Variants in RBPJ observed in about 807,000 individuals in gnomAD.
RBPJ encodes the protein recombining binding protein suppressor of hairless.
A neutral mutation model predicts 67.8 loss-of-function variants in RBPJ; 9 were observed. That is an observed-to-expected ratio of 0.13 (90% CI 0.08 to 0.23). RBPJ has a LOEUF of 0.23. Among genes scored for constraint, RBPJ ranks in the 10% least tolerant of loss-of-function variants. RBPJ has a pLI of 1.00. For missense variants in RBPJ, 305 were observed against 595.6 expected (o/e 0.51, Z 5.08); for synonymous variants, 198 against 203.3 (o/e 0.97, Z 0.22).
upstream of RBPJ, chr4:26,319,971 A>G (rs1722848228): frequency 8.0e-7 from 1 of 1,256,946 alleles, no homozygotes; most frequent in Admixed American, 2.3e-5. Flanking sequence ...GGCTTCCGGG[A>G]TCAGGCCGCC....
intron 1 of RBPJ, among the ~76,000 whole-genome samples, chr4:26,197,251 G>A (rs955947019): frequency 6.6e-6 from 1 of 152,088 alleles, no homozygotes; most frequent in Non-Finnish European, 1.5e-5. Context: ...CAGCACTTGG[G>A]GAAACAGCAT....
Position 26,408,930 on chromosome 4 carries a change from A to G in RBPJ, c.155+2660A>G, listed in dbSNP as rs149507441. 2.8e-3 allele frequency among the ~76,000 whole-genome samples: 420 copies of G among 152,372 alleles called. 5 individuals carry two copies. Among genetic ancestry groups the G allele is most frequent in the African/African-American group, 9.7e-3 (404 of 41,592 alleles). On this transcript the variant is annotated intron_variant, in intron 3 of 10. Transcript: ENST00000355476. ...AAACTTTGTAAACTTAACTTTGCCT[A>G]GGACTAACCCTTTTCCATTACCTAG...
chr4:26,254,864 TTTTTTTTTTTTTTTTTG>T (rs1720243219), intron 1 of RBPJ, among the ~76,000 whole-genome samples: 1 of 113,600 alleles, frequency 8.8e-6, no homozygotes, highest in African/African-American at 3.9e-5. Context: ...TTTTTTTTTT[TTTTTTTTTTTTTTTTTG>T]CAGAGACAAG....
the RBPJ span, among the ~76,000 whole-genome samples, chr4:26,131,792 G>A: frequency 6.6e-6 from 1 of 152,212 alleles, no homozygotes; most frequent in Non-Finnish European, 1.5e-5. Context: ...CCCAAGCTGG[G>A]AGAGAATGAA....
intron 3 of RBPJ, among the ~76,000 whole-genome samples, chr4:26,408,358 T>A (rs550775064): frequency 2.6e-5 from 4 of 152,270 alleles, no homozygotes; most frequent in African/African-American, 9.6e-5. Context: ...GTATCTGTAG[T>A]TTGGGACATA....
At chr4:26,220,636 T>A (rs1254254388) in intron 1 of RBPJ, among the ~76,000 whole-genome samples, 1 of 152,200 alleles carries the variant, frequency 6.6e-6, no homozygotes, top group South Asian at 2.1e-4. Context: ...AACTGAAGGA[T>A]TCAGACTGAA....
intron 1 of RBPJ, among the ~76,000 whole-genome samples, chr4:26,378,650 C>G (rs1299648065): frequency 6.6e-6 from 1 of 152,186 alleles, no homozygotes; most frequent in Non-Finnish European, 1.5e-5. Context: ...ACATAAACTG[C>G]TGGCAGAATG....
chr4:26,208,800 C>G (rs1577473011), intron 1 of RBPJ, among the ~76,000 whole-genome samples: 1 of 152,050 alleles, frequency 6.6e-6, no homozygotes, highest in East Asian at 1.9e-4. Flanking sequence ...CCATGTGTGC[C>G]CAGCCTGTCT....
At chr4:26,401,747 T>C (rs1235179752) in intron 2 of RBPJ, among the ~76,000 whole-genome samples, 2 of 152,220 alleles carry the variant, frequency 1.3e-5, no homozygotes, top group African/African-American at 2.4e-5. Flanking sequence ...TAGAATTTAG[T>C]ATCCGGAAAT....
chr4:26,342,346 G>T (rs1006260149), intron 1 of RBPJ, among the ~76,000 whole-genome samples: 7 of 151,882 alleles, frequency 4.6e-5, no homozygotes, highest in African/African-American at 1.7e-4. Context: ...ATCGTTTGGT[G>T]AGGGAGGTAG....
the RBPJ span, among the ~76,000 whole-genome samples, chr4:26,109,454 C>CTATATA: frequency 1.9e-4 from 4 of 21,092 alleles, no homozygotes; most frequent in Non-Finnish European, 3.5e-4. Context: ...CTCTCTCTCT[C>CTATATA]TCTCTCTATA....
At chr4:26,393,654 C>T (rs982825839) in intron 2 of RBPJ, among the ~76,000 whole-genome samples, 1 of 151,986 alleles carries the variant, frequency 6.6e-6, no homozygotes, top group African/African-American at 2.4e-5. Context: ...GGATTACAGG[C>T]GAGAGCCACC....
intron 1 of RBPJ, among the ~76,000 whole-genome samples, chr4:26,344,550 T>C (rs1279521799): frequency 6.6e-6 from 1 of 152,208 alleles, no homozygotes; most frequent in Non-Finnish European, 1.5e-5. Context: ...CTATAATTAT[T>C]AAAAGTAGTT....
At chr4:26,195,640 G>A (rs981814653) in intron 1 of RBPJ, among the ~76,000 whole-genome samples, 11 of 152,228 alleles carry the variant, frequency 7.2e-5, no homozygotes, top group African/African-American at 2.6e-4. Flanking sequence ...GGTCGCCCAG[G>A]CTGGAGTGCA....
chr4:26,432,965 C>T lies in RBPJ; in HGVS notation c.*1958C>T, dbSNP rs148679474. 3.3e-5 allele frequency: 5 copies of T among 152,200 alleles called. No homozygotes were observed. Among genetic ancestry groups the T allele is most frequent in the East Asian group, 1.9e-4 (1 of 5,186 alleles). The allele number at this position is 152,200 out of a possible 1,614,324, so 9.4% of individuals were successfully genotyped here. A position where few individuals can be genotyped will look rare whatever the true frequency, so the allele number is the denominator to read the frequency against. ...AATATTCTTCCTAACATCTTTAAAT[C>T]GCCTTTTCCTCAGTTTTCAAGGGGA... On this transcript the variant is annotated 3_prime_UTR_variant, in exon 11 of 11. Coordinates refer to ENST00000355476, the MANE Select transcript of RBPJ (RefSeq NM_015874.6).
intron 1 of RBPJ, among the ~76,000 whole-genome samples, chr4:26,367,149 TAAA>T (rs1188520449): frequency 4.0e-5 from 6 of 150,758 alleles, no homozygotes; most frequent in African/African-American, 1.5e-4. Flanking sequence ...ATTAATAAAA[TAAA>T]AAGAAAATAC....
At chr4:26,391,412 C>G (rs1013639531) in intron 2 of RBPJ, among the ~76,000 whole-genome samples, 1 of 152,030 alleles carries the variant, frequency 6.6e-6, no homozygotes, top group Non-Finnish European at 1.5e-5. Context: ...GGTAGTCTTT[C>G]TAACAGTTGA....
chr4:26,156,243 T>A, the RBPJ span, among the ~76,000 whole-genome samples: 4 of 152,200 alleles, frequency 2.6e-5, no homozygotes, highest in East Asian at 7.7e-4. Context: ...GTTGACAATC[T>A]GATATTTATG....
the RBPJ span, among the ~76,000 whole-genome samples, chr4:26,142,760 GTGTGTGTGTGTA>G: frequency 1.3e-5 from 2 of 151,864 alleles, no homozygotes; most frequent in East Asian, 1.9e-4. Context: ...TATTTTGAGT[GTGTGTGTGTGTA>G]TGTGTGTGTG....
Sources: gnomAD v4.1 joint callset for allele counts (sites outside exome capture counted in the v4.1 genomes callset) on GRCh38, gnomAD v4.1.1 for gene constraint, MANE v1.5 for transcripts, NCBI Gene and HGNC (gene_info 2026-07-23, HGNC 2026-07-21) for gene names.